MCPH1: variants seen among roughly 807,000 people sequenced by gnomAD.
The protein encoded by MCPH1 is microcephalin.
MCPH1 carries 104 observed loss-of-function variants against 84.5 expected under a neutral mutation model. The ratio of observed to expected loss-of-function variants is 1.23; its 90% CI spans 1.05 to 1.45. The LOEUF (loss-of-function observed/expected upper bound fraction) is 1.45. MCPH1 is among the 40% of genes most tolerant of loss of function. MCPH1 has a pLI of 0.00. For missense variants in MCPH1, 1,498 were observed against 1,005.7 expected (o/e 1.49, Z -6.62); for synonymous variants, 514 against 366.8 (o/e 1.40, Z -4.58).
intron 3 of MCPH1, among the ~76,000 whole-genome samples, chr8:6,430,941 A>G (rs1156585136): frequency 6.6e-6 from 1 of 152,220 alleles, no homozygotes; most frequent in East Asian, 1.9e-4. Context: ...ATCCAGAGAT[A>G]CGAAGGTGGA....
chr8:6,453,646 C>A lies in MCPH1; in HGVS notation c.1826-1497C>A, dbSNP rs116803566. ...TTCCGATTTTGACACACTCATGCTTCAAGTAAATATTTGTTATTTAAAAAG... is the reference window on the plus strand; with the variant it reads ...TTCCGATTTTGACACACTCATGCTTAAAGTAAATATTTGTTATTTAAAAAG... On this transcript the variant is annotated intron_variant, in intron 8 of 13. Coordinates refer to ENST00000344683, the MANE Select transcript of MCPH1 (RefSeq NM_024596.5). Among the ~76,000 whole-genome samples the A allele has an allele frequency of 3.1e-3, 466 of 152,168 alleles. 5 individuals carry two copies. The highest frequency in any genetic ancestry group is 0.011 in the African/African-American group (445 of 41,530).
At chr8:6,568,445 G>C (rs1394293776) in intron 12 of MCPH1, among the ~76,000 whole-genome samples, 2 of 152,180 alleles carry the variant, frequency 1.3e-5, no homozygotes, top group East Asian at 1.9e-4. Context: ...CCAGCTATGG[G>C]TTGCCAAACA....
At chr8:6,498,068 A>G (rs1327860142) in intron 11 of MCPH1, among the ~76,000 whole-genome samples, 1 of 152,228 alleles carries the variant, frequency 6.6e-6, no homozygotes, top group Non-Finnish European at 1.5e-5. Flanking sequence ...AGCAGTTTCT[A>G]TTCACAGATG....
At chr8:6,628,869 G>T (rs1284493944) in intron 13 of MCPH1, among the ~76,000 whole-genome samples, 1 of 152,218 alleles carries the variant, frequency 6.6e-6, no homozygotes, top group Non-Finnish European at 1.5e-5. Context: ...CTTACTGACC[G>T]ACTTAATTCA....
intron 5 of MCPH1, among the ~76,000 whole-genome samples, chr8:6,437,817 C>T (rs1178183508): frequency 6.6e-6 from 1 of 152,152 alleles, no homozygotes; most frequent in East Asian, 1.9e-4. Context: ...TTGACTTCTT[C>T]TGTTTTCTCC....
intron 12 of MCPH1, among the ~76,000 whole-genome samples, chr8:6,515,289 G>T (rs144427712): frequency 2.0e-5 from 3 of 152,064 alleles, no homozygotes; most frequent in Non-Finnish European, 2.9e-5. Context: ...TTACATTCTC[G>T]TACTGTGGGG....
chr8:6,532,357 C>T (rs747404054), intron 12 of MCPH1: 15 of 1,613,906 alleles, frequency 9.3e-6, no homozygotes, highest in Admixed American at 3.3e-5. Flanking sequence ...AGTTAACTTC[C>T]GCGTTTGCTC....
intron 12 of MCPH1, among the ~76,000 whole-genome samples, chr8:6,596,844 A>G (rs1049744558): frequency 1.3e-5 from 2 of 152,240 alleles, no homozygotes; most frequent in Non-Finnish European, 2.9e-5. Context: ...AATAATCATT[A>G]TTGACCATGA....
intron 12 of MCPH1, among the ~76,000 whole-genome samples, chr8:6,601,093 A>T (rs1006160311): frequency 3.3e-5 from 5 of 152,018 alleles, no homozygotes; most frequent in African/African-American, 1.2e-4. Flanking sequence ...GCACCTGGAG[A>T]TGAGAGACCT....
intron 8 of MCPH1, chr8:6,445,795 A>AT: frequency 7.8e-7 from 1 of 1,279,578 alleles, no homozygotes; most frequent in Non-Finnish European, 9.9e-7. Context: ...TTTCCTTCTT[A>AT]TAGGTCAAAA....
At chr8:6,593,468 C>T (rs1828678716) in intron 12 of MCPH1, among the ~76,000 whole-genome samples, 1 of 152,208 alleles carries the variant, frequency 6.6e-6, no homozygotes, top group Non-Finnish European at 1.5e-5. Context: ...GATTCTCCTG[C>T]CTCAGCCTTC....
intron 4 of MCPH1, among the ~76,000 whole-genome samples, chr8:6,432,836 C>T (rs897763061): frequency 6.6e-6 from 1 of 152,252 alleles, no homozygotes; most frequent in South Asian, 2.1e-4. Flanking sequence ...CTCCCTGTGA[C>T]ATGCTAAAAT....
chr8:6,484,517 C>T (rs1483546553), intron 11 of MCPH1, among the ~76,000 whole-genome samples: 1 of 152,232 alleles, frequency 6.6e-6, no homozygotes, highest in Non-Finnish European at 1.5e-5. Flanking sequence ...GTCCCACTCC[C>T]AGATATTTGC....
chr8:6,550,729 A>G (rs140875754), intron 12 of MCPH1, among the ~76,000 whole-genome samples: 1 of 152,302 alleles, frequency 6.6e-6, no homozygotes, highest in Non-Finnish European at 1.5e-5. Context: ...AAATTTTATC[A>G]GAGTTTTGCG....
At chr8:6,423,134 A>G (rs996434861) in intron 3 of MCPH1, among the ~76,000 whole-genome samples, 8 of 149,844 alleles carry the variant, frequency 5.3e-5, no homozygotes, top group African/African-American at 1.7e-4. Context: ...GCACACTTTT[A>G]AGGTCCTCAG....
intron 13 of MCPH1, among the ~76,000 whole-genome samples, chr8:6,632,255 T>G (rs191923830): frequency 1.6e-4 from 24 of 152,244 alleles, no homozygotes; most frequent in Admixed American, 1.5e-3. Flanking sequence ...TTCTAGAAAT[T>G]AATAGTAGTG....
intron 12 of MCPH1, among the ~76,000 whole-genome samples, chr8:6,540,587 G>A (rs767424277): frequency 3.3e-5 from 5 of 152,196 alleles, no homozygotes; most frequent in Admixed American, 6.5e-5. Context: ...TGCAACAGAC[G>A]TTGTCAGGCC....
In MCPH1 at chr8:6,424,145, A is replaced by T. The variant is rs900045040; in HGVS notation, c.234-7354A>T. ...CTGGGAGTGTTCATTTTAAGATCAGATGGCAATTGATAAAATTCTGACATT... is the reference window on the plus strand; with the variant it reads ...CTGGGAGTGTTCATTTTAAGATCAGTTGGCAATTGATAAAATTCTGACATT... On this transcript the variant is annotated intron_variant, in intron 3 of 13. Transcript: ENST00000344683. 4.6e-5 allele frequency among the ~76,000 whole-genome samples: 7 copies of T among 152,318 alleles called. No individual in the cohort carries two copies. The Middle Eastern group carries it at 0.017, about 370-fold the overall frequency.
intron 13 of MCPH1, 109 bp downstream of exon 13, chr8:6,621,800 G>T: frequency 6.9e-7 from 1 of 1,449,410 alleles, no homozygotes; most frequent in Non-Finnish European, 9.6e-7. Flanking sequence ...GGGGCACCTG[G>T]GTTGATGTCT....
Sources: gnomAD v4.1 joint callset for allele counts (sites outside exome capture counted in the v4.1 genomes callset) on GRCh38, gnomAD v4.1.1 for gene constraint, MANE v1.5 for transcripts, NCBI Gene and HGNC (gene_info 2026-07-23, HGNC 2026-07-21) for gene names.